Variants in RBP4 observed in about 807,000 individuals in gnomAD.
The protein encoded by RBP4 is retinol-binding protein 4.
In RBP4, 9 loss-of-function variants were observed where a neutral mutation model predicts 26.2. The ratio of observed to expected loss-of-function variants is 0.34; its 90% CI spans 0.21 to 0.60. The LOEUF (loss-of-function observed/expected upper bound fraction) is 0.60, where lower values mean the gene tolerates loss of function less well. Ranked by LOEUF, RBP4 falls within the 20% of genes least tolerant of loss-of-function variation. The pLI is 0.80. For missense variants in RBP4, 244 were observed against 271.3 expected (o/e 0.90, Z 0.71); for synonymous variants, 114 against 111.0 (o/e 1.03, Z -0.17).
chr10:93,601,603 G>T, upstream of RBP4: 1 of 743,542 alleles, frequency 1.3e-6, no homozygotes, highest in East Asian at 2.5e-5. Flanking sequence ...CACAGAGCGA[G>T]AGCGGACCCG....
At chr10:93,596,277 C>T (rs946465203) in intron 4 of RBP4, among the ~76,000 whole-genome samples, 12 of 150,228 alleles carry the variant, frequency 8.0e-5, no homozygotes, top group Admixed American at 4.0e-4. Context: ...ACTTTCAATA[C>T]TTGGATTTAG....
chr10:93,600,842 G>A (rs369460388), intron 2 of RBP4, 39 bp from the exon 3 acceptor site: 47 of 1,600,030 alleles, frequency 2.9e-5, no homozygotes, highest in Non-Finnish European at 3.8e-5. Flanking sequence ...GCGTCCGGGG[G>A]CGCACGGCGG....
rs751643857 is a variant in RBP4 at position 93,592,047 on chromosome 10, C to G, written c.*28G>C. The G allele has an allele frequency of 4.4e-6, 7 of 1,596,202 alleles. No homozygotes were observed. Among genetic ancestry groups the G allele is most frequent in the Non-Finnish European group, 6.0e-6 (7 of 1,163,868 alleles). Reference sequence around the variant, plus strand: ...GAAGACTGAGAGCTAATCAGAAGTTCTCAGATGAAACTAGATTCTTGATAT... The same window carrying G: ...GAAGACTGAGAGCTAATCAGAAGTTGTCAGATGAAACTAGATTCTTGATAT... On this transcript the variant is annotated 3_prime_UTR_variant, in exon 6 of 6. Coordinates refer to ENST00000371464, the MANE Select transcript of RBP4 (RefSeq NM_006744.4).
At chr10:93,600,590 C>G in intron 3 of RBP4, 77 bp downstream of exon 3, 1 of 1,612,812 alleles carries the variant, frequency 6.2e-7, no homozygotes, top group Non-Finnish European at 8.5e-7. Flanking sequence ...TTCACAATGC[C>G]CACGTGGCGA....
At chr10:93,601,093 GCCGTATCCCACCTCA>G (rs2058335491) in intron 1 of RBP4, 47 bp from the exon 2 acceptor site, 1 of 1,578,510 alleles carries the variant, frequency 6.3e-7, no homozygotes, top group Non-Finnish European at 8.5e-7. Context: ...GACCCCCGCC[GCCGTATCCCACCTCA>G]CCCCACCCCA....
intron 4 of RBP4, among the ~76,000 whole-genome samples, chr10:93,599,929 A>G (rs1589686455): frequency 6.6e-6 from 1 of 152,188 alleles, no homozygotes; most frequent in East Asian, 1.9e-4. Context: ...CAGGCCAGGC[A>G]CTTGGGAGGC....
chr10:93,599,988 C>T (rs751754559), intron 4 of RBP4, among the ~76,000 whole-genome samples: 1 of 152,136 alleles, frequency 6.6e-6, no homozygotes, highest in Non-Finnish European at 1.5e-5. Context: ...AGGGCTCTCT[C>T]GGCCTCTGTG....
At chr10:93,594,124 A>G in intron 4 of RBP4, 89 bp from the exon 5 acceptor site, 1 of 1,204,512 alleles carries the variant, frequency 8.3e-7, no homozygotes, top group Non-Finnish European at 1.2e-6. Context: ...CTGAGAACAC[A>G]GTGACTTCCA....
chr10:93,600,935 TCTC>T lies in RBP4; in HGVS notation c.91_93del (p.Glu31del). 6.2e-7 allele frequency: 1 copy of T among 1,612,318 alleles called. No individual in the cohort carries two copies. Reference sequence around the variant, plus strand: ...ATACCTACGCGAGCCTTGTCGAAGTTCTCCTTGACTCGGAAGCTGCTCACTCGG... The same window carrying T: ...ATACCTACGCGAGCCTTGTCGAAGTTCTTGACTCGGAAGCTGCTCACTCGG... On this transcript the variant is annotated inframe_deletion, in exon 2 of 6. Transcript: ENST00000371464.
Position 93,594,021 on chromosome 10 carries a change from T to C in RBP4, c.370A>G (p.Ile124Val). Residue 124 changes from isoleucine to valine, a missense_variant, in exon 5 of 6, where the codon ATC becomes GTC. Coordinates refer to ENST00000371464, the MANE Select transcript of RBP4 (RefSeq NM_006744.4). ...FLQKGNDDHW[I>V]VDTDYDTYAV... ...TACGTGTCGTAGTCTGTGTCGACGA[T>C]CCAGTGGTCATCATCTGCAAGCCAG... 3 of 1,613,580 alleles carry C rather than the reference T, an allele frequency of 1.9e-6. No individual in the cohort carries two copies. The highest frequency in any genetic ancestry group is 2.5e-6 in the Non-Finnish European group (3 of 1,180,012).
At chr10:93,599,270 A>T (rs1164758345) in intron 4 of RBP4, among the ~76,000 whole-genome samples, 1 of 151,966 alleles carries the variant, frequency 6.6e-6, no homozygotes, top group Non-Finnish European at 1.5e-5. Context: ...ATAATAAATT[A>T]AAATTAAAAA....
chr10:93,600,962 G>A lies in RBP4; in HGVS notation c.67C>T (p.Arg23Ter), dbSNP rs1259782555. Residue 23 changes from arginine (R) to a stop codon, truncating the protein, a stop_gained, in exon 2 of 6, where the codon CGA becomes TGA. Coordinates refer to ENST00000371464, the MANE Select transcript of RBP4 (RefSeq NM_006744.4). LOFTEE classifies it high-confidence loss of function. ...LGSGRAERDC[R>*]VSSFRVKENF... ...TCCTTGACTCGGAAGCTGCTCACTC[G>A]GCAGTCGCGCTCCGCGCGGCCGCTG... The A allele has an allele frequency of 3.3e-5, 53 of 1,612,322 alleles. No individual in the cohort carries two copies. Among genetic ancestry groups the A allele is most frequent in the Non-Finnish European group, 4.3e-5 (51 of 1,179,754 alleles).
Position 93,601,202 on chromosome 10 carries a change from C to A in RBP4, c.-50G>T. 3.0e-6 allele frequency: 4 copies of A among 1,337,934 alleles called. No homozygotes were observed. Among genetic ancestry groups the A allele is most frequent in the Non-Finnish European group, 3.8e-6 (4 of 1,053,260 alleles). 82.9% of individuals were successfully genotyped at this position (1,337,934 alleles called of 1,614,324 possible). ...GAGGGGAACCGCGCGCAAGCCTGGCCGCCGAGTCCGGGCGCGCGTGGAGCG... is the reference window on the plus strand; with the variant it reads ...GAGGGGAACCGCGCGCAAGCCTGGCAGCCGAGTCCGGGCGCGCGTGGAGCG... On this transcript the variant is annotated 5_prime_UTR_variant, in exon 1 of 6. Transcript: ENST00000371464.
chr10:93,597,857 CT>C (rs1171559573), intron 4 of RBP4, among the ~76,000 whole-genome samples: 1 of 152,186 alleles, frequency 6.6e-6, no homozygotes, highest in Admixed American at 6.5e-5. Context: ...TCAAATCCCT[CT>C]GTCCAAGTCA....
Position 93,594,094 on chromosome 10 carries a change from G to A in RBP4, c.356-59C>T, listed in dbSNP as rs1403573473. On this transcript the variant is annotated intron_variant, in intron 4 of 5. Coordinates refer to ENST00000371464, the MANE Select transcript of RBP4 (RefSeq NM_006744.4). The stretch of plus-strand genomic sequence containing the variant: ...CCTTTCCCTCATGGGCTCAGATGTC[G>A]GAGAAACTCACGACCAGGCCTGAGA... 2.5e-5 allele frequency: 39 copies of A among 1,543,104 alleles called. No individual in the cohort carries two copies. In the Middle Eastern group the frequency reaches 6.7e-4, roughly 27 times the overall value.
intron 4 of RBP4, 125 bp downstream of exon 4, chr10:93,600,268 T>C (rs2058328105): frequency 1.2e-6 from 1 of 863,546 alleles, no homozygotes; most frequent in African/African-American, 1.7e-5. Flanking sequence ...TGCGGGTTCC[T>C]GACACTTCCA....
intron 4 of RBP4, among the ~76,000 whole-genome samples, chr10:93,594,894 C>T (rs2058293281): frequency 6.6e-6 from 1 of 152,164 alleles, no homozygotes; most frequent in Non-Finnish European, 1.5e-5. Context: ...AATCCCAGCA[C>T]TTTGGGAGGC....
intron 5 of RBP4, among the ~76,000 whole-genome samples, chr10:93,593,616 C>T (rs2058281086): frequency 6.6e-6 from 1 of 152,130 alleles, no homozygotes; most frequent in Admixed American, 6.5e-5. Context: ...TGGACAAAGG[C>T]CTTTACCCAC....
chr10:93,591,955 G>A lies in RBP4; in HGVS notation c.*120C>T, dbSNP rs1279118719. On this transcript the variant is annotated 3_prime_UTR_variant, in exon 6 of 6. Coordinates refer to ENST00000371464, the MANE Select transcript of RBP4 (RefSeq NM_006744.4). ...CACGTGTATCTTTATGTGTAATGAAGGTTTTATGGGAACTGAGGGAAGATG... is the reference window on the plus strand; with the variant it reads ...CACGTGTATCTTTATGTGTAATGAAAGTTTTATGGGAACTGAGGGAAGATG... 1.2e-6 allele frequency: 1 copy of A among 867,742 alleles called. No individual in the cohort carries two copies. The highest frequency in any genetic ancestry group is 1.7e-5 in the African/African-American group (1 of 59,926). 53.8% of individuals were successfully genotyped at this position (867,742 alleles called of 1,614,324 possible).
Sources: gnomAD v4.1 joint callset for allele counts (sites outside exome capture counted in the v4.1 genomes callset) on GRCh38, gnomAD v4.1.1 for gene constraint, MANE v1.5 for transcripts, NCBI Gene and HGNC (gene_info 2026-07-23, HGNC 2026-07-21) for gene names.